The following SLC36A4 variants were observed in gnomAD, a reference collection of about 807,000 sequenced individuals.
SLC36A4 encodes the protein solute carrier family 36 member 4.
SLC36A4 carries 49 observed loss-of-function variants against 50.5 expected under a neutral mutation model. The observed-to-expected ratio is 0.97, with a 90% CI of 0.77 to 1.23. The LOEUF (loss-of-function observed/expected upper bound fraction) is 1.23. SLC36A4 is among the 50% of genes most tolerant of loss of function. SLC36A4 has a pLI of 0.00. For synonymous variants in SLC36A4, 207 were observed against 206.5 expected (o/e 1.00, Z -0.02); for missense variants, 611 against 608.4 (o/e 1.00, Z -0.05).
intron 5 of SLC36A4, 47 bp from the exon 6 acceptor site, chr11:93,180,928 T>A (rs779626356): frequency 8.3e-7 from 1 of 1,207,492 alleles, no homozygotes; most frequent in Non-Finnish European, 1.2e-6. Context: ...GCTACTGAAA[T>A]GTCAATATAT....
At chr11:93,154,810 T>A (rs1462906848) in intron 9 of SLC36A4, 4 of 152,086 alleles carry the variant, frequency 2.6e-5, no homozygotes, top group African/African-American at 9.7e-5. Context: ...GTTCTCTAAA[T>A]TACACATACA....
intron 8 of SLC36A4, 44 bp downstream of exon 8, chr11:93,165,874 T>C (rs1860833624): frequency 1.6e-6 from 2 of 1,252,282 alleles, no homozygotes. Context: ...ATCATTGTGC[T>C]GAATTAAGAT....
chr11:93,167,936 A>G lies in SLC36A4; in HGVS notation c.768+8T>C, dbSNP rs377658064. On this transcript the variant is annotated splice_region_variant and intron_variant, in intron 7 of 10. Coordinates refer to ENST00000326402, the MANE Select transcript of SLC36A4 (RefSeq NM_152313.4). Reference sequence around the variant, plus strand: ...ATAAGAACTTAGTTAAAAACTTTTTATACTTACCCTGACAACATACTGGTA... The same window carrying G: ...ATAAGAACTTAGTTAAAAACTTTTTGTACTTACCCTGACAACATACTGGTA... 1.7e-4 allele frequency: 269 copies of G among 1,570,242 alleles called. No homozygotes were observed. The highest frequency in any genetic ancestry group is 2.2e-4 in the Admixed American group (11 of 50,238).
intron 10 of SLC36A4, among the ~76,000 whole-genome samples, chr11:93,151,380 T>C (rs1860080656): frequency 1.3e-5 from 2 of 152,046 alleles, no homozygotes; most frequent in Admixed American, 1.3e-4. Context: ...TTCCCTCTGA[T>C]ATTAAAATAA....
At position 93,147,800 on chromosome 11, in the gene SLC36A4, G is replaced by A. The variant is rs1442603398; in HGVS notation, c.*737C>T. 1.3e-5 allele frequency: 2 copies of A among 152,110 alleles called. No homozygotes were observed. Among genetic ancestry groups the A allele is most frequent in the East Asian group, 3.9e-4 (2 of 5,172 alleles). The allele number at this position is 152,110 out of a possible 1,614,324, so 9.4% of individuals were successfully genotyped here. On this transcript the variant is annotated 3_prime_UTR_variant, in exon 11 of 11. Transcript: ENST00000326402. Reference sequence around the variant, plus strand: ...CTCAAGGCTGAGTGGTCTCGACCAAGTTACTTAACCTTTCTAGGCCTCCTT... The same window carrying A: ...CTCAAGGCTGAGTGGTCTCGACCAAATTACTTAACCTTTCTAGGCCTCCTT...
intron 6 of SLC36A4, among the ~76,000 whole-genome samples, chr11:93,177,772 A>G (rs1861551336): frequency 6.6e-6 from 1 of 152,168 alleles, no homozygotes; most frequent in Admixed American, 6.5e-5. Flanking sequence ...ATGAGATATC[A>G]GTTGGCCCCT....
chr11:93,180,727 A>C (rs1459030926), intron 6 of SLC36A4, 70 bp downstream of exon 6: 1 of 1,019,132 alleles, frequency 9.8e-7, no homozygotes, highest in Non-Finnish European at 1.5e-6. Flanking sequence ...TGGCTTCCAC[A>C]GAAGATATAT....
chr11:93,162,669 T>C (rs1007337662), intron 9 of SLC36A4, 37 bp downstream of exon 9: 4 of 1,482,190 alleles, frequency 2.7e-6, no homozygotes, highest in Non-Finnish European at 3.7e-6. Flanking sequence ...CATTATAAAA[T>C]ATATAAACTA....
intron 6 of SLC36A4, among the ~76,000 whole-genome samples, chr11:93,172,566 A>G (rs1861214221): frequency 1.3e-5 from 2 of 150,926 alleles, no homozygotes; most frequent in Admixed American, 1.3e-4. Context: ...ATCTAGCATT[A>G]GGTATATCTC....
chr11:93,184,429 C>T lies in SLC36A4; in HGVS notation c.270+1G>A, dbSNP rs752604116. 2 of 1,584,330 alleles carry T rather than the reference C, an allele frequency of 1.3e-6. No individual in the cohort carries two copies. Among genetic ancestry groups the T allele is most frequent in the South Asian group, 1.1e-5 (1 of 90,374 alleles). The stretch of plus-strand genomic sequence containing the variant: ...CTGGTGATTACAAAGATAAGTCTTA[C>T]CACTATGCCTGCATTTTTTATTGCC... On this transcript the variant is annotated splice_donor_variant, in intron 3 of 10. Coordinates refer to ENST00000326402, the MANE Select transcript of SLC36A4 (RefSeq NM_152313.4). LOFTEE classifies it high-confidence loss of function.
At chr11:93,162,198 C>T (rs1244754880) in intron 9 of SLC36A4, among the ~76,000 whole-genome samples, 1 of 152,062 alleles carries the variant, frequency 6.6e-6, no homozygotes, top group Non-Finnish European at 1.5e-5. Context: ...TTGGAAAAAA[C>T]TCCAATTTTA....
chr11:93,157,476 GC>G (rs1860420415), intron 9 of SLC36A4, among the ~76,000 whole-genome samples: 1 of 152,182 alleles, frequency 6.6e-6, no homozygotes, highest in Admixed American at 6.6e-5. Context: ...CTATCCATGA[GC>G]ATGGAATGTT....
intron 5 of SLC36A4, among the ~76,000 whole-genome samples, chr11:93,181,324 T>G (rs1482813236): frequency 5.3e-5 from 8 of 152,090 alleles, no homozygotes; most frequent in Admixed American, 1.3e-4. Flanking sequence ...ATAATGAGAC[T>G]GCAACATTTT....
intron 9 of SLC36A4, chr11:93,160,200 C>A: frequency 2.0e-6 from 2 of 985,432 alleles, no homozygotes; most frequent in Non-Finnish European, 2.4e-6. Flanking sequence ...AATTGTCCCA[C>A]AACTGCAGAG....
At chr11:93,181,821 G>GAAAAAAA in intron 4 of SLC36A4, 35 bp from the exon 5 acceptor site, 1 of 1,487,274 alleles carries the variant, frequency 6.7e-7, no homozygotes. Context: ...AAGGAAAAAA[G>GAAAAAAA]AAAAATTTTA....
At chr11:93,180,084 G>A in intron 6 of SLC36A4, 2 of 948,098 alleles carry the variant, frequency 2.1e-6, no homozygotes, top group African/African-American at 1.8e-5. Context: ...TATGTAAAAT[G>A]TTTACTGTAC....
At chr11:93,166,967 A>T (rs1860897487) in intron 7 of SLC36A4, 1 of 152,116 alleles carries the variant, frequency 6.6e-6, no homozygotes, top group Admixed American at 6.6e-5. Flanking sequence ...GCAGGATGCT[A>T]TTTCACTTCT....
At chr11:93,192,848 C>T (rs1283153241) in intron 1 of SLC36A4, among the ~76,000 whole-genome samples, 1 of 152,040 alleles carries the variant, frequency 6.6e-6, no homozygotes, top group East Asian at 1.9e-4. Flanking sequence ...AACCAGATTC[C>T]TCTGGGCCTA....
rs1311232277 is a variant in SLC36A4, at chr11:93,185,697, C to T, written c.173G>A (p.Gly58Asp). Residue 58 changes from glycine (G) to aspartate (D), a missense_variant, in exon 2 of 11, where the codon GGC (glycine) becomes GAC (aspartate). Transcript: ENST00000326402. The part of the protein sequence containing the change: ...QKHYQLDDQE[G>D]ISFVQTLMHL... ...TATAAACCATAACACTTACGAAATGCCCTCTTGATCATCAAGTTGGTAATG... is the reference window on the plus strand; with the variant it reads ...TATAAACCATAACACTTACGAAATGTCCTCTTGATCATCAAGTTGGTAATG... The T allele has an allele frequency of 1.9e-6, 3 of 1,585,600 alleles. No individual in the cohort carries two copies. Among genetic ancestry groups the T allele is most frequent in the Non-Finnish European group, 2.6e-6 (3 of 1,171,700 alleles).
Sources: gnomAD v4.1 joint callset for allele counts (sites outside exome capture counted in the v4.1 genomes callset) on GRCh38, gnomAD v4.1.1 for gene constraint, MANE v1.5 for transcripts, NCBI Gene and HGNC (gene_info 2026-07-23, HGNC 2026-07-21) for gene names.